Variants in TDG observed in about 807,000 individuals in gnomAD.
TDG encodes G/T mismatch-specific thymine DNA glycosylase.
Under a neutral mutation model 46.1 loss-of-function variants are expected in TDG, and 23 were observed. That is an observed-to-expected ratio of 0.50 (90% CI 0.36 to 0.71). The LOEUF (loss-of-function observed/expected upper bound fraction) is 0.71, where lower values mean the gene tolerates loss of function less well. Ranked by LOEUF, TDG falls within the 30% of genes least tolerant of loss-of-function variation. The pLI is 0.00. For missense variants in TDG, 304 were observed against 486.7 expected, an observed-to-expected ratio of 0.62 and a Z score of 3.53; for synonymous variants, 115 against 161.3, an observed-to-expected ratio of 0.71 and a Z score of 2.18.
chr12:103,976,724 A>T (rs544131086), intron 1 of TDG, among the ~76,000 whole-genome samples, 194 bp from the exon 2 acceptor site: 1 of 152,318 alleles, frequency 6.6e-6, no homozygotes, highest in East Asian at 1.9e-4. Flanking sequence ...ATGGTTGGTT[A>T]TTAAGCACTC....
At chr12:103,982,772 A>T in intron 4 of TDG, 27 bp from the exon 5 acceptor site, 1 of 1,610,934 alleles carries the variant, frequency 6.2e-7, no homozygotes. Context: ...CTAAAAAAAA[A>T]TAAATAACTG....
At chr12:103,966,175 G>A in intron 1 of TDG, 115 bp downstream of exon 1, 5 of 1,320,862 alleles carry the variant, frequency 3.8e-6, no homozygotes, top group Non-Finnish European at 5.0e-6. Context: ...TACAAAGGCC[G>A]GGGCCGCGCG....
rs757452540 is a variant in TDG at position 103,985,666 on chromosome 12, G to T, written c.1028G>T (p.Gly343Val). 1 of 1,614,122 alleles carries T rather than the reference G, an allele frequency of 6.2e-7. No individual in the cohort carries two copies. The highest frequency in any genetic ancestry group is 1.1e-5 in the South Asian group (1 of 91,064). The stretch of plus-strand genomic sequence containing the variant: ...GATCCAGGTTATGAGGCAGCATATG[G>T]TGGTGCTTACGGAGAAAATCCATGC... The part of the protein sequence containing the change: ...KYDPGYEAAY[G>V]GAYGENPCSS... The change falls in exon 9 of 10, where the codon GGT becomes GTT. Residue 343 changes from glycine to valine, a missense_variant. Physicochemically the swap from Gly to Val is moderately radical, Grantham distance 109. Coordinates refer to ENST00000392872, the MANE Select transcript of TDG (RefSeq NM_003211.6).
At position 103,965,896 on chromosome 12, in the gene TDG, T is replaced by C. The variant is rs1436226701; in HGVS notation, c.-142T>C. ...TAGAAGCCTGGAGGAGGAGCTTGAG[T>C]CCAGCCACTGTCTGGGTACTGCCAG... is the stretch of plus-strand genomic sequence containing the variant. On this transcript the variant is annotated 5_prime_UTR_variant, in exon 1 of 10. Transcript: ENST00000392872. 2.3e-6 allele frequency: 3 copies of C among 1,322,492 alleles called. No individual in the cohort carries two copies. Among genetic ancestry groups the C allele is most frequent in the Admixed American group, 2.6e-5 (1 of 38,820 alleles). 81.9% of individuals were successfully genotyped at this position (1,322,492 alleles called of 1,614,324 possible).
intron 4 of TDG, 56 bp from the exon 5 acceptor site, chr12:103,982,743 T>G: frequency 6.4e-7 from 1 of 1,570,322 alleles, no homozygotes; most frequent in Non-Finnish European, 8.7e-7. Context: ...CTAGCCTGGG[T>G]GACAGAGCGA....
rs1012460174 is a variant in TDG, at chr12:103,980,974, C to G, written c.478+12C>G. The G allele has an allele frequency of 4.4e-6, 7 of 1,602,272 alleles. No individual in the cohort carries two copies. The highest frequency in any genetic ancestry group is 6.0e-6 in the Non-Finnish European group (7 of 1,176,334). ...TGGAAACCATTTTTGTAAGTGGTTA[C>G]CTTTTAAATTAATTTACTTTTAAAT... is the stretch of plus-strand genomic sequence containing the variant. On this transcript the variant is annotated intron_variant, in intron 4 of 9. Transcript: ENST00000392872.
At chr12:103,973,110 G>GTTT (rs1871357190) in intron 1 of TDG, 1 of 266,602 alleles carries the variant, frequency 3.8e-6, no homozygotes, top group Non-Finnish European at 6.8e-6. Flanking sequence ...TTGAGACGGA[G>GTTT]TTTCGCTCTT....
rs1872323381 is a variant in TDG at position 103,988,601 on chromosome 12, A to G, written c.*1511A>G. The G allele has an allele frequency of 6.5e-6, 1 of 152,736 alleles. No homozygotes were observed. The highest frequency in any genetic ancestry group is 1.5e-5 in the Non-Finnish European group (1 of 68,052). The allele number at this position is 152,736 out of a possible 1,614,324, so 9.5% of individuals were successfully genotyped here. On this transcript the variant is annotated 3_prime_UTR_variant, in exon 10 of 10. Coordinates refer to ENST00000392872, the MANE Select transcript of TDG (RefSeq NM_003211.6). Reference sequence around the variant, plus strand: ...GCATGTAACTAGGTATTGCTTTGGTATATAACTATTGTAGCTTTACAAGAG... The same window carrying G: ...GCATGTAACTAGGTATTGCTTTGGTGTATAACTATTGTAGCTTTACAAGAG...
At chr12:103,985,208 C>CACACACACAT (rs969365828) in intron 8 of TDG, among the ~76,000 whole-genome samples, 3 of 147,880 alleles carry the variant, frequency 2.0e-5, no homozygotes, top group Non-Finnish European at 3.0e-5. Flanking sequence ...CACACACACA[C>CACACACACAT]ATTACAGAAA....
At chr12:103,966,714 C>T (rs1566176150) in intron 1 of TDG, among the ~76,000 whole-genome samples, 1 of 151,608 alleles carries the variant, frequency 6.6e-6, no homozygotes, top group Admixed American at 6.6e-5. Flanking sequence ...GAACTCCTGG[C>T]GGAAGACTAA....
At chr12:103,974,641 G>A (rs887988359) in intron 1 of TDG, among the ~76,000 whole-genome samples, 1 of 152,084 alleles carries the variant, frequency 6.6e-6, no homozygotes, top group South Asian at 2.1e-4. Context: ...ATATCATAGA[G>A]AATGAAAACT....
At chr12:103,966,366 T>G (rs1348268710) in intron 1 of TDG, among the ~76,000 whole-genome samples, 1 of 152,226 alleles carries the variant, frequency 6.6e-6, no homozygotes, top group Non-Finnish European at 1.5e-5. Flanking sequence ...TCTTTCTGGA[T>G]GCCATTCTTG....
chr12:103,977,510 A>C (rs1871598972), intron 2 of TDG, among the ~76,000 whole-genome samples: 1 of 152,020 alleles, frequency 6.6e-6, no homozygotes, highest in South Asian at 2.1e-4. Flanking sequence ...GGGTACAGAC[A>C]CACACAAGCA....
chr12:103,968,773 C>T (rs1366609198), intron 1 of TDG, among the ~76,000 whole-genome samples: 1 of 152,178 alleles, frequency 6.6e-6, no homozygotes, highest in African/African-American at 2.4e-5. Flanking sequence ...GGAGTCTGTC[C>T]TCTGTTGACA....
chr12:103,970,828 G>A (rs1032987527), intron 1 of TDG, among the ~76,000 whole-genome samples: 34 of 152,112 alleles, frequency 2.2e-4, no homozygotes, highest in African/African-American at 7.7e-4. Flanking sequence ...TGCGTGGAGT[G>A]TGTGTATGTG....
At chr12:103,979,459 T>G (rs943778629) in intron 2 of TDG, among the ~76,000 whole-genome samples, 1 of 152,098 alleles carries the variant, frequency 6.6e-6, no homozygotes, top group Non-Finnish European at 1.5e-5. Flanking sequence ...TCCTTCCTGT[T>G]TCTCTATTTT....
intron 7 of TDG, 78 bp downstream of exon 7, chr12:103,983,467 A>G: frequency 3.9e-6 from 4 of 1,036,312 alleles, no homozygotes; most frequent in Non-Finnish European, 5.6e-6. Context: ...TGTCCTATCC[A>G]TTGTGATTTA....
In TDG at chr12:103,984,732, A is replaced by T; in HGVS notation, c.793-17A>T. On this transcript the variant is annotated splice_polypyrimidine_tract_variant and intron_variant, in intron 7 of 9. Coordinates refer to ENST00000392872, the MANE Select transcript of TDG (RefSeq NM_003211.6). ...GAATTATAAGATTTCTGAAATTATA[A>T]AATGTTGTGATTCTAGCTCTGCTAT... The T allele has an allele frequency of 1.0e-6, 1 of 1,003,018 alleles. No homozygotes were observed. The allele number at this position is 1,003,018 out of a possible 1,614,324, so 62.1% of individuals were successfully genotyped here. A position where few individuals can be genotyped will look rare whatever the true frequency, so the allele number is the denominator to read the frequency against.
chr12:103,980,949 T>C lies in TDG; in HGVS notation c.465T>C (p.Pro155=). 1 of 1,612,970 alleles carries C rather than the reference T, an allele frequency of 6.2e-7. No homozygotes were observed. Among genetic ancestry groups the C allele is most frequent in the South Asian group, 1.1e-5 (1 of 90,772 alleles). ...ACAAAGGGCATCATTACCCTGGACC[T>C]GGAAACCATTTTTGTAAGTGGTTAC... ...AAYKGHHYPG[P]GNHFWKCLFM... is the part of the protein sequence containing the mutation. The change falls in exon 4 of 10, where the codon CCT becomes CCC. Residue 155 remains proline (P), a synonymous_variant. Coordinates refer to ENST00000392872, the MANE Select transcript of TDG (RefSeq NM_003211.6).
Sources: gnomAD v4.1 joint callset for allele counts (sites outside exome capture counted in the v4.1 genomes callset) on GRCh38, gnomAD v4.1.1 for gene constraint, MANE v1.5 for transcripts, NCBI Gene and HGNC (gene_info 2026-07-23, HGNC 2026-07-21) for gene names.